The following DACH1 variants were observed in gnomAD, a reference collection of about 807,000 sequenced individuals.
DACH1 encodes the protein dachshund family transcription factor 1.
DACH1 carries 12 observed loss-of-function variants against 54.2 expected under a neutral mutation model. That is an observed-to-expected ratio of 0.22 (90% CI 0.14 to 0.36). The LOEUF (loss-of-function observed/expected upper bound fraction) is 0.36. Ranked by LOEUF, DACH1 falls within the 10% of genes least tolerant of loss-of-function variation. The pLI is 1.00. For synonymous variants in DACH1, 386 were observed against 366.2 expected, an observed-to-expected ratio of 1.05 and a Z score of -0.62; for missense variants, 805 against 929.8, an observed-to-expected ratio of 0.87 and a Z score of 1.75.
At chr13:71,654,845 TA>T (rs1349236837) in intron 2 of DACH1, among the ~76,000 whole-genome samples, 2 of 152,230 alleles carry the variant, frequency 1.3e-5, no homozygotes, top group African/African-American at 4.8e-5. Context: ...AAAAAAATGA[TA>T]AAATGTTTAT....
At chr13:71,605,292 G>T (rs1331498112) in intron 3 of DACH1, among the ~76,000 whole-genome samples, 1 of 151,456 alleles carries the variant, frequency 6.6e-6, no homozygotes, top group Non-Finnish European at 1.5e-5. Flanking sequence ...TTCATATCGG[G>T]AATATATTCT....
chr13:71,671,779 T>C (rs906144482), intron 2 of DACH1, among the ~76,000 whole-genome samples: 1 of 152,160 alleles, frequency 6.6e-6, no homozygotes, highest in African/African-American at 2.4e-5. Flanking sequence ...AGTTTTCTCT[T>C]GAACATTTCT....
intron 1 of DACH1, among the ~76,000 whole-genome samples, chr13:71,704,972 T>G (rs1391959986): frequency 6.6e-6 from 1 of 152,138 alleles, no homozygotes. Context: ...AAAAATAAAA[T>G]ACAAAAATAA....
intron 1 of DACH1, among the ~76,000 whole-genome samples, chr13:71,685,173 T>G (rs1353330345): frequency 6.6e-6 from 1 of 152,196 alleles, no homozygotes; most frequent in African/African-American, 2.4e-5. Context: ...AGGAACACTT[T>G]AATTCACGCT....
At chr13:71,688,883 A>G (rs867278951) in intron 1 of DACH1, among the ~76,000 whole-genome samples, 37 of 152,224 alleles carry the variant, frequency 2.4e-4, no homozygotes, top group African/African-American at 8.9e-4. Flanking sequence ...ACTACTAAGC[A>G]TATGTATGTT....
At chr13:71,664,887 A>G (rs1879731833) in intron 2 of DACH1, among the ~76,000 whole-genome samples, 1 of 152,010 alleles carries the variant, frequency 6.6e-6, no homozygotes, top group Non-Finnish European at 1.5e-5. Context: ...TATGACCATA[A>G]TTTCTGGAGC....
intron 6 of DACH1, among the ~76,000 whole-genome samples, chr13:71,527,650 C>A (rs1445678179): frequency 6.6e-6 from 1 of 152,162 alleles, no homozygotes; most frequent in Admixed American, 6.5e-5. Context: ...ACTGGGCCCT[C>A]ATAAATCTTG....
intron 10 of DACH1, among the ~76,000 whole-genome samples, chr13:71,446,699 A>G (rs1331508562): frequency 6.6e-6 from 1 of 152,166 alleles, no homozygotes; most frequent in African/African-American, 2.4e-5. Context: ...GAATTATAGG[A>G]CTGACTCCTA....
chr13:71,492,486 T>C (rs7139946), intron 6 of DACH1, among the ~76,000 whole-genome samples: 2,181 of 152,212 alleles, frequency 0.014, 60 homozygotes, highest in African/African-American at 0.05. Context: ...AGACAACCAC[T>C]GGAAGCTAAA....
chr13:71,459,696 G>A (rs892293292), intron 10 of DACH1, among the ~76,000 whole-genome samples: 3 of 151,712 alleles, frequency 2.0e-5, no homozygotes, highest in Admixed American at 6.6e-5. Flanking sequence ...TTTTCACATT[G>A]CTAACTCATT....
chr13:71,785,125 C>A (rs1594218326), intron 1 of DACH1, among the ~76,000 whole-genome samples: 1 of 152,036 alleles, frequency 6.6e-6, no homozygotes, highest in Admixed American at 6.6e-5. Flanking sequence ...GTATTCTGAA[C>A]CACAAAATTA....
chr13:71,706,218 A>G (rs1190642245), intron 1 of DACH1, among the ~76,000 whole-genome samples: 1 of 151,814 alleles, frequency 6.6e-6, no homozygotes, highest in Non-Finnish European at 1.5e-5. Context: ...TCTATAAAGA[A>G]TCAGGACAAC....
At chr13:71,806,158 G>T (rs1887492089) in intron 1 of DACH1, among the ~76,000 whole-genome samples, 1 of 152,102 alleles carries the variant, frequency 6.6e-6, no homozygotes, top group Admixed American at 6.6e-5. Flanking sequence ...TTCATCAAAA[G>T]ATAATTAAGG....
At chr13:71,865,536 C>T (rs1472874509) in intron 1 of DACH1, among the ~76,000 whole-genome samples, 1 of 152,112 alleles carries the variant, frequency 6.6e-6, no homozygotes, top group Non-Finnish European at 1.5e-5. Flanking sequence ...CGCACGAACG[C>T]GGACAGCAGC....
intron 1 of DACH1, among the ~76,000 whole-genome samples, chr13:71,750,844 A>T (rs1357686288): frequency 3.3e-5 from 5 of 152,200 alleles, no homozygotes; most frequent in African/African-American, 1.2e-4. Flanking sequence ...AAGGGGTGGG[A>T]GCCATCAATG....
At chr13:71,499,149 A>ACACACACGCAGACACACACACACACACT (rs748333551) in intron 6 of DACH1, among the ~76,000 whole-genome samples, 13 of 151,068 alleles carry the variant, frequency 8.6e-5, no homozygotes, top group African/African-American at 3.2e-4. Flanking sequence ...ACACACACAC[A>ACACACACGCAGACACACACACACACACT]CACACACACT....
chr13:71,827,776 A>G (rs928437982), intron 1 of DACH1, among the ~76,000 whole-genome samples: 1 of 152,106 alleles, frequency 6.6e-6, no homozygotes, highest in African/African-American at 2.4e-5. Flanking sequence ...AGAAAAAGTC[A>G]TAAATATATA....
chr13:71,827,833 T>C (rs1322888771), intron 1 of DACH1, among the ~76,000 whole-genome samples: 1 of 152,050 alleles, frequency 6.6e-6, no homozygotes, highest in Non-Finnish European at 1.5e-5. Flanking sequence ...AAAGATTAAA[T>C]AGCAAATCCT....
At position 71,782,484 on chromosome 13, in the gene DACH1, TA is replaced by T. The variant is rs145020915; in HGVS notation, c.848+83437del. On this transcript the variant is annotated intron_variant, in intron 1 of 10. Transcript: ENST00000613252. ...AAAATAGAAATAAAAATAAAATAAA[TA>T]AATAAACTGAAAAAGAAATGTTTGT... is the stretch of plus-strand genomic sequence containing the variant. 8.1e-3 allele frequency among the ~76,000 whole-genome samples: 1,233 copies of T among 152,008 alleles called. 14 individuals are homozygous for T. Among genetic ancestry groups the T allele is most frequent in the African/African-American group, 0.026 (1,070 of 41,470 alleles).
Sources: gnomAD v4.1 joint callset for allele counts (sites outside exome capture counted in the v4.1 genomes callset) on GRCh38, gnomAD v4.1.1 for gene constraint, MANE v1.5 for transcripts, NCBI Gene and HGNC (gene_info 2026-07-23, HGNC 2026-07-21) for gene names.